COP1: variants seen among roughly 807,000 people sequenced by gnomAD.
COP1 encodes E3 ubiquitin-protein ligase COP1.
In COP1, 24 loss-of-function variants were observed where a neutral mutation model predicts 101.3. That is an observed-to-expected ratio of 0.24 (90% CI 0.17 to 0.33). The LOEUF is 0.33. Ranked by LOEUF, COP1 falls within the 10% of genes least tolerant of loss-of-function variation. The pLI is 1.00. For synonymous variants in COP1, 347 were observed against 341.9 expected, an observed-to-expected ratio of 1.01 and a Z score of -0.17; for missense variants, 663 against 906.2, an observed-to-expected ratio of 0.73 and a Z score of 3.45.
intron 14 of COP1, among the ~76,000 whole-genome samples, chr1:176,028,231 A>G (rs1668013981): frequency 6.6e-6 from 1 of 152,146 alleles, no homozygotes; most frequent in South Asian, 2.1e-4. Context: ...ACAGAATAAC[A>G]TTAAAACCAA....
At chr1:175,949,190 A>AAAAAAAAAAAAAAAAAAG (rs1558152756) in intron 18 of COP1, among the ~76,000 whole-genome samples, 1 of 146,192 alleles carries the variant, frequency 6.8e-6, no homozygotes, top group African/African-American at 2.5e-5. Flanking sequence ...AAAAAAAAAA[A>AAAAAAAAAAAAAAAAAAG]AATGAACATG....
chr1:176,043,919 G>A, intron 12 of COP1, 101 bp from the exon 13 acceptor site: 1 of 717,224 alleles, frequency 1.4e-6, no homozygotes, highest in East Asian at 2.6e-5. Flanking sequence ...ATTTTAAAAT[G>A]GTCTCTATCA....
intron 15 of COP1, among the ~76,000 whole-genome samples, chr1:175,990,396 G>A (rs1358133668): frequency 6.6e-6 from 1 of 151,924 alleles, no homozygotes; most frequent in Non-Finnish European, 1.5e-5. Context: ...CTTATTTTTA[G>A]TCTTAAATAT....
chr1:176,068,614 A>G (rs1016061163), intron 11 of COP1, among the ~76,000 whole-genome samples: 1 of 152,242 alleles, frequency 6.6e-6, no homozygotes, highest in Non-Finnish European at 1.5e-5. Context: ...GTTAAGCTAG[A>G]TAACTAAGAG....
At chr1:175,958,827 G>C (rs546985715) in intron 18 of COP1, among the ~76,000 whole-genome samples, 2 of 151,816 alleles carry the variant, frequency 1.3e-5, no homozygotes, top group Non-Finnish European at 2.9e-5. Flanking sequence ...TTCATAAATC[G>C]ACAGTCAAAA....
rs148043617 is a variant in COP1 at position 175,964,736 on chromosome 1, T to C, written c.2134-17497A>G. Among the ~76,000 whole-genome samples, 321 of 152,322 alleles carry C rather than the reference T, an allele frequency of 2.1e-3. 1 individual carries two copies. The highest frequency in any genetic ancestry group is 7.3e-3 in the African/African-American group (304 of 41,586). On this transcript the variant is annotated intron_variant, in intron 18 of 19. Transcript: ENST00000367669. ...ATGAACAACATACAGTATCTGCAAATACAGCTCCCTGGAGGGCACAGAACA... is the reference window on the plus strand; with the variant it reads ...ATGAACAACATACAGTATCTGCAAACACAGCTCCCTGGAGGGCACAGAACA...
rs1178354698 is a variant in COP1 at position 176,081,062 on chromosome 1, C to T, written c.1277+90G>A. On this transcript the variant is annotated intron_variant, in intron 11 of 19. Transcript: ENST00000367669. ...TTGGCAGGCTACTTCAGAACCCACG[C>T]TTTTAATAATAATGGTATAAGTGCT... 10 of 1,184,616 alleles carry T rather than the reference C, an allele frequency of 8.4e-6. No homozygotes were observed. In the African/African-American group the frequency reaches 1.6e-4, roughly 19 times the overall value. The allele number at this position is 1,184,616 out of a possible 1,614,324, so 73.4% of individuals were successfully genotyped here. A position where few individuals can be genotyped will look rare whatever the true frequency, so the allele number is the denominator to read the frequency against.
chr1:176,067,987 C>CA (rs1379171697), intron 11 of COP1, among the ~76,000 whole-genome samples: 2 of 152,176 alleles, frequency 1.3e-5, no homozygotes, highest in Non-Finnish European at 2.9e-5. Flanking sequence ...GCACACCCTG[C>CA]AAGGGGGACA....
At chr1:175,966,117 G>C (rs182217729) in intron 18 of COP1, among the ~76,000 whole-genome samples, 38 of 151,858 alleles carry the variant, frequency 2.5e-4, no homozygotes, top group Admixed American at 8.5e-4. Context: ...GAGTTGACTT[G>C]GTAAAAATAT....
intron 11 of COP1, among the ~76,000 whole-genome samples, chr1:176,061,666 A>T (rs1674868555): frequency 1.3e-5 from 2 of 152,096 alleles, no homozygotes; most frequent in South Asian, 4.1e-4. Flanking sequence ...AAATGAAACT[A>T]AACCATTACC....
At chr1:176,005,207 A>G (rs1662817100) in intron 15 of COP1, among the ~76,000 whole-genome samples, 1 of 152,060 alleles carries the variant, frequency 6.6e-6, no homozygotes, top group Non-Finnish European at 1.5e-5. Flanking sequence ...TATCCCGTTT[A>G]TCATTTTTTA....
intron 7 of COP1, among the ~76,000 whole-genome samples, chr1:176,135,805 A>C (rs1054786862): frequency 2.0e-5 from 3 of 152,120 alleles, no homozygotes; most frequent in African/African-American, 7.2e-5. Flanking sequence ...ATGCAACCTC[A>C]GCTCAATCAT....
chr1:176,034,424 T>A (rs1337221884), intron 14 of COP1, among the ~76,000 whole-genome samples: 1 of 152,262 alleles, frequency 6.6e-6, no homozygotes, highest in Middle Eastern at 3.4e-3. Flanking sequence ...AAAAGGAGCA[T>A]CTGTGATATA....
At chr1:176,121,516 T>G (rs200781209) in intron 8 of COP1, among the ~76,000 whole-genome samples, 14 of 86,704 alleles carry the variant, frequency 1.6e-4, no homozygotes, top group African/African-American at 5.3e-4. Context: ...AATGTCGTTT[T>G]TTATTTTTAT....
intron 9 of COP1, among the ~76,000 whole-genome samples, chr1:176,113,631 G>A (rs1301748118): frequency 6.6e-6 from 1 of 151,926 alleles, no homozygotes; most frequent in East Asian, 1.9e-4. Flanking sequence ...TCCAGCCAAA[G>A]ACCAATTAAA....
At chr1:176,171,453 G>A (rs555767261) in intron 3 of COP1, among the ~76,000 whole-genome samples, 28 of 152,304 alleles carry the variant, frequency 1.8e-4, no homozygotes, top group African/African-American at 6.7e-4. Context: ...TATATATCCA[G>A]ACTACTAAAC....
chr1:175,964,425 G>GAA (rs11387279), intron 18 of COP1, among the ~76,000 whole-genome samples: 1 of 151,946 alleles, frequency 6.6e-6, no homozygotes, highest in African/African-American at 2.4e-5. Flanking sequence ...TTTTACTGGG[G>GAA]AAAAAAAGCC....
At chr1:176,047,863 C>T (rs1671774860) in intron 11 of COP1, among the ~76,000 whole-genome samples, 1 of 152,020 alleles carries the variant, frequency 6.6e-6, no homozygotes, top group Admixed American at 6.6e-5. Context: ...TCCCTTGAGT[C>T]CAGGAGTTTG....
chr1:176,007,135 T>G (rs756848285), intron 15 of COP1, among the ~76,000 whole-genome samples: 5 of 152,228 alleles, frequency 3.3e-5, no homozygotes, highest in Non-Finnish European at 7.3e-5. Flanking sequence ...GTTGATCGCA[T>G]CGGCTCCTGA....
Sources: gnomAD v4.1 joint callset for allele counts (sites outside exome capture counted in the v4.1 genomes callset) on GRCh38, gnomAD v4.1.1 for gene constraint, MANE v1.5 for transcripts, NCBI Gene and HGNC (gene_info 2026-07-23, HGNC 2026-07-21) for gene names.